SYDE2: variants seen among roughly 807,000 people sequenced by gnomAD.
SYDE2 encodes synapse defective Rho GTPase homolog 2.
In SYDE2, 76 loss-of-function variants were observed where a neutral mutation model predicts 91.5. The ratio of observed to expected loss-of-function variants is 0.83; its 90% confidence interval spans 0.69 to 1.01. SYDE2 has a LOEUF of 1.01. SYDE2 is among the 50% of genes least tolerant of loss of function. SYDE2 has a pLI of 0.00. For synonymous variants in SYDE2, 513 were observed against 506.4 expected (o/e 1.01, Z -0.18); for missense variants, 1,364 against 1,367.7 (o/e 1.00, Z 0.04).
At chr1:85,163,451 A>C (rs919864419) in intron 6 of SYDE2, among the ~76,000 whole-genome samples, 35 of 107,616 alleles carry the variant, frequency 3.3e-4, no homozygotes, top group African/African-American at 2.2e-3. Context: ...TAATCTATAT[A>C]TATATATATA....
chr1:85,166,923 TAGTC>T (rs200389495), intron 5 of SYDE2, among the ~76,000 whole-genome samples: 4,239 of 152,254 alleles, frequency 0.028, 87 homozygotes, highest in African/African-American at 0.054. Context: ...TTTTGAAAAT[TAGTC>T]TGGCTGGGCG....
At chr1:85,193,143 C>T (rs977789423) in intron 1 of SYDE2, among the ~76,000 whole-genome samples, 3 of 152,182 alleles carry the variant, frequency 2.0e-5, no homozygotes, top group Non-Finnish European at 2.9e-5. Flanking sequence ...GTTCTATCTC[C>T]ATTACACTTA....
rs1656956334 is a variant in SYDE2, at chr1:85,158,813, A to T, written c.3522T>A (p.Ile1174=). 1 of 771,124 alleles carries T rather than the reference A, an allele frequency of 1.3e-6. No homozygotes were observed. The highest frequency in any genetic ancestry group is 1.8e-5 in the Admixed American group (1 of 56,646). 47.8% of individuals were successfully genotyped at this position (771,124 alleles called of 1,614,324 possible). ...KNNLKDLQES[I]DTLIGNLERE... is the part of the protein sequence containing the mutation. Reference sequence around the variant, plus strand: ...GTTCCAGATTTCCAATCAAAGTATCAATACTTTCTTGTAGATCTTTGAGAT... The same window carrying T: ...GTTCCAGATTTCCAATCAAAGTATCTATACTTTCTTGTAGATCTTTGAGAT... Residue 1174 remains isoleucine, a synonymous_variant, in exon 7 of 7, where the codon ATT becomes ATA. Transcript: ENST00000341460.
At chr1:85,161,087 T>C in intron 6 of SYDE2, 6 of 985,194 alleles carry the variant, frequency 6.1e-6, no homozygotes, top group South Asian at 4.7e-5. Context: ...AAAGTTCTGG[T>C]TTTCCCATCA....
At chr1:85,176,093 A>G (rs114741200) in intron 4 of SYDE2, among the ~76,000 whole-genome samples, 1 of 152,180 alleles carries the variant, frequency 6.6e-6, no homozygotes, top group African/African-American at 2.4e-5. Context: ...CATGTTTAAC[A>G]TAATTTTTAT....
At chr1:85,154,746 C>G (rs1173675815), downstream of SYDE2, among the ~76,000 whole-genome samples, 1 of 151,814 alleles carries the variant, frequency 6.6e-6, no homozygotes. Context: ...TGTTTCTATC[C>G]TTGTCCGAAT....
intron 6 of SYDE2, among the ~76,000 whole-genome samples, chr1:85,161,428 T>C (rs544619050): frequency 2.6e-5 from 4 of 152,246 alleles, no homozygotes; most frequent in Non-Finnish European, 5.9e-5. Context: ...ATATTTATCA[T>C]AGAAAATGTG....
In SYDE2 at chr1:85,201,008, GCA is replaced by G. The variant is rs1658820731; in HGVS notation, c.-14_-13del. 3 of 1,285,164 alleles carry G rather than the reference GCA, an allele frequency of 2.3e-6. No homozygotes were observed. The highest frequency in any genetic ancestry group is 2.9e-6 in the Non-Finnish European group (3 of 1,022,306). The allele number at this position is 1,285,164 out of a possible 1,614,324, so 79.6% of individuals were successfully genotyped here. ...GGCAGGTCGTGCATGGCCTGGATCAGCAGATAATAGGCCTCTCGCAACTGGGT... is the reference window on the plus strand; with the variant it reads ...GGCAGGTCGTGCATGGCCTGGATCAGGATAATAGGCCTCTCGCAACTGGGT... On this transcript the variant is annotated 5_prime_UTR_variant, in exon 1 of 7. Coordinates refer to ENST00000341460, the MANE Select transcript of SYDE2 (RefSeq NM_032184.2).
At chr1:85,194,512 TAC>T (rs199960028) in intron 1 of SYDE2, among the ~76,000 whole-genome samples, 1,894 of 148,770 alleles carry the variant, frequency 0.013, 37 homozygotes, top group African/African-American at 0.044. Context: ...ATGTTATATA[TAC>T]ACACACACAT....
intron 1 of SYDE2, among the ~76,000 whole-genome samples, chr1:85,199,823 T>TA (rs1320910460): frequency 6.6e-6 from 1 of 151,962 alleles, no homozygotes. Context: ...ATGAAGCCTA[T>TA]AAAATCTACC....
intron 5 of SYDE2, 25 bp downstream of exon 5, chr1:85,169,018 GA>G: frequency 6.2e-7 from 1 of 1,609,686 alleles, no homozygotes; most frequent in Admixed American, 1.7e-5. Flanking sequence ...TGGCTTTCAG[GA>G]AAAATGTATA....
chr1:85,184,387 A>T (rs1237935261), intron 2 of SYDE2, among the ~76,000 whole-genome samples: 2 of 152,212 alleles, frequency 1.3e-5, no homozygotes, highest in African/African-American at 2.4e-5. Flanking sequence ...CATTATGAAG[A>T]TCACTGCAAT....
chr1:85,178,342 C>A (rs745871096), intron 3 of SYDE2, 70 bp from the exon 4 acceptor site: 58 of 1,392,154 alleles, frequency 4.2e-5, no homozygotes, highest in Non-Finnish European at 5.4e-5. Flanking sequence ...TTATAGATCA[C>A]ATGAACTTTG....
intron 6 of SYDE2, chr1:85,161,033 G>GT: frequency 1.0e-6 from 1 of 982,002 alleles, no homozygotes; most frequent in Non-Finnish European, 1.2e-6. Flanking sequence ...TGTCAGAGTG[G>GT]TTTACAACTA....
chr1:85,166,124 T>C (rs1410234491), intron 5 of SYDE2, among the ~76,000 whole-genome samples: 1 of 152,004 alleles, frequency 6.6e-6, no homozygotes, highest in Non-Finnish European at 1.5e-5. Context: ...GTGAATCATC[T>C]GAGGTCAGAA....
At chr1:85,164,920 T>C (rs763706417) in intron 5 of SYDE2, among the ~76,000 whole-genome samples, 163 bp from the exon 6 acceptor site, 6 of 152,166 alleles carry the variant, frequency 3.9e-5, no homozygotes, top group South Asian at 2.1e-4. Flanking sequence ...TAGTTTCTAA[T>C]AGAAACATTA....
At chr1:85,168,598 C>T (rs1657384647) in intron 5 of SYDE2, among the ~76,000 whole-genome samples, 2 of 152,042 alleles carry the variant, frequency 1.3e-5, no homozygotes, top group African/African-American at 4.8e-5. Context: ...AGGGGAGGGG[C>T]TTTTGTTTGT....
In SYDE2 at chr1:85,183,335, T is replaced by C. The variant is rs567853495; in HGVS notation, c.1442-135A>G. The C allele has an allele frequency of 1.8e-5, 13 of 706,990 alleles. No individual in the cohort carries two copies. In the South Asian group the frequency reaches 4.0e-4, roughly 22 times the overall value. The allele number at this position is 706,990 out of a possible 1,614,324, so 43.8% of individuals were successfully genotyped here. ...CTCTTATTTCATCTCAATGGGGAGATTTCATTAGAAGTTCAGGTCAACTTC... is the reference window on the plus strand; with the variant it reads ...CTCTTATTTCATCTCAATGGGGAGACTTCATTAGAAGTTCAGGTCAACTTC... On this transcript the variant is annotated intron_variant, in intron 2 of 6. Transcript: ENST00000341460.
chr1:85,168,989 A>G, intron 5 of SYDE2, 55 bp downstream of exon 5: 2 of 1,423,270 alleles, frequency 1.4e-6, no homozygotes, highest in Non-Finnish European at 9.9e-7. Flanking sequence ...CTCTGGAGGT[A>G]GGTATACAGT....
Sources: gnomAD v4.1 joint callset for allele counts (sites outside exome capture counted in the v4.1 genomes callset) on GRCh38, gnomAD v4.1.1 for gene constraint, MANE v1.5 for transcripts, NCBI Gene and HGNC (gene_info 2026-07-23, HGNC 2026-07-21) for gene names.